The following TCIRG1 variants were observed in gnomAD, a reference collection of about 807,000 sequenced individuals.
TCIRG1 encodes T cell immune regulator 1, ATPase H+ transporting V0 subunit a3.
In TCIRG1, 86 loss-of-function variants were observed where a neutral mutation model predicts 95.5. The ratio of observed to expected loss-of-function variants is 0.90; its 90% CI spans 0.76 to 1.08. The LOEUF (loss-of-function observed/expected upper bound fraction) is 1.08. TCIRG1 is among the 50% of genes least tolerant of loss of function. The pLI is 0.00. For synonymous variants in TCIRG1, 499 were observed against 501.3 expected, an observed-to-expected ratio of 1.00 and a Z score of 0.06; for missense variants, 1,069 against 1,140.2, an observed-to-expected ratio of 0.94 and a Z score of 0.90.
chr11:68,047,071 C>T (rs1218814652), intron 10 of TCIRG1: 3 of 367,600 alleles, frequency 8.2e-6, no homozygotes, highest in South Asian at 1.9e-5. Flanking sequence ...AGTGCAGTGG[C>T]GCGAGCTCGG....
chr11:68,043,267 C>T, intron 5 of TCIRG1, 104 bp from the exon 6 acceptor site: 2 of 1,492,552 alleles, frequency 1.3e-6, no homozygotes, highest in Admixed American at 2.2e-5. Flanking sequence ...CCAGTGTGCC[C>T]AATTGCCCGA....
chr11:68,041,467 C>A, intron 2 of TCIRG1, 79 bp downstream of exon 2: 5 of 1,095,648 alleles, frequency 4.6e-6, no homozygotes, highest in African/African-American at 1.5e-5. Context: ...GGGACTGCCC[C>A]CCCTCCGCCA....
At chr11:68,049,893 C>A (rs1418269120) in intron 16 of TCIRG1, 69 bp from the exon 17 acceptor site, 2 of 1,556,854 alleles carry the variant, frequency 1.3e-6, no homozygotes, top group Non-Finnish European at 1.7e-6. Context: ...TGGCCAGGAG[C>A]AGGCCTGGCG....
At chr11:68,045,882 C>T (rs1279256082) in intron 10 of TCIRG1, among the ~76,000 whole-genome samples, 1 of 152,174 alleles carries the variant, frequency 6.6e-6, no homozygotes, top group Non-Finnish European at 1.5e-5. Context: ...GACCAAGTCC[C>T]CTCCCGACAT....
Position 68,047,814 on chromosome 11 carries a change from G to A in TCIRG1, c.1463+10G>A, listed in dbSNP as rs774207084. ...ACCAGTCTGGCTGGAGGTGAGGCCC[G>A]GGCCCCAGCCCGGCTGGGGGCCCCG... On this transcript the variant is annotated intron_variant, in intron 12 of 19. Coordinates refer to ENST00000265686, the MANE Select transcript of TCIRG1 (RefSeq NM_006019.4). 64 of 1,612,090 alleles carry A rather than the reference G, an allele frequency of 4.0e-5. 1 individual carries two copies. The South Asian group carries it at 4.3e-4, about 11-fold the overall frequency.
At chr11:68,044,887 C>G in intron 9 of TCIRG1, 71 bp from the exon 10 acceptor site, 1 of 1,590,252 alleles carries the variant, frequency 6.3e-7, no homozygotes, top group East Asian at 2.2e-5. Context: ...TCCAGCTGGG[C>G]CTGGCTGGAG....
chr11:68,046,225 G>T (rs760101729), intron 10 of TCIRG1, among the ~76,000 whole-genome samples: 3 of 152,190 alleles, frequency 2.0e-5, no homozygotes, highest in Non-Finnish European at 2.9e-5. Context: ...TGTCAGCAGG[G>T]GCCGGGGGCA....
Position 68,047,633 on chromosome 11 carries a change from C to T in TCIRG1, c.1306-14C>T, listed in dbSNP as rs748451207. On this transcript the variant is annotated splice_polypyrimidine_tract_variant and intron_variant, in intron 11 of 19. Coordinates refer to ENST00000265686, the MANE Select transcript of TCIRG1 (RefSeq NM_006019.4). ...AGGGCCAGGCAGCCCCTCACCACAC[C>T]ACTGCCCCCCCAGATCTGGCAGACT... 1 of 1,613,138 alleles carries T rather than the reference C, an allele frequency of 6.2e-7. No individual in the cohort carries two copies. Among genetic ancestry groups the T allele is most frequent in the South Asian group, 1.1e-5 (1 of 91,084 alleles).
rs770606668 is a variant in TCIRG1 at position 68,043,626 on chromosome 11, G to A, written c.686G>A (p.Gly229Glu). 6.2e-7 allele frequency: 1 copy of A among 1,611,168 alleles called. No homozygotes were observed. The highest frequency in any genetic ancestry group is 1.1e-5 in the South Asian group (1 of 90,664). The part of the protein sequence containing the change: ...FLISYWGEQI[G>E]QKIRKITDCF... ...ATCTCCTACTGGGGTGAGCAGATCGGACAGAAGATCCGCAAGATCACGGAC... is the reference window on the plus strand; with the variant it reads ...ATCTCCTACTGGGGTGAGCAGATCGAACAGAAGATCCGCAAGATCACGGAC... The change falls in exon 7 of 20, where the codon GGA (glycine) becomes GAA (glutamate). Residue 229 changes from glycine (G) to glutamate (E), a missense_variant. Transcript: ENST00000265686.
At chr11:68,048,003 G>A (rs760959655) in intron 13 of TCIRG1, 31 bp downstream of exon 13, 7 of 1,598,654 alleles carry the variant, frequency 4.4e-6, no homozygotes, top group Non-Finnish European at 6.0e-6. Context: ...TCCGTGGGTG[G>A]TGAAGGCAGC....
At chr11:68,048,476 T>G in intron 13 of TCIRG1, 1 of 345,140 alleles carries the variant, frequency 2.9e-6, no homozygotes, top group Non-Finnish European at 5.7e-6. Context: ...GTATTTTTAG[T>G]AGAGACAGGG....
chr11:68,049,741 CT>C lies in TCIRG1; in HGVS notation c.1967del (p.Leu656ArgfsTer31), dbSNP rs1855697254. 1 of 1,582,974 alleles carries C rather than the reference CT, an allele frequency of 6.3e-7. No individual in the cohort carries two copies. The highest frequency in any genetic ancestry group is 1.3e-5 in the African/African-American group (1 of 74,626). The stretch of plus-strand genomic sequence containing the variant: ...GCTGCTTGGCACACCCCTGCACCTG[CT>C]GCACCGCCACCGCCGCCGCCTGCGG... The part of the protein sequence containing the change: ...ILLLGTPLHL[L>X]HRHRRRLRRR... On this transcript the variant is annotated frameshift_variant, in exon 16 of 20. Transcript: ENST00000265686. LOFTEE classifies it high-confidence loss of function.
intron 4 of TCIRG1, 41 bp downstream of exon 4, chr11:68,042,904 G>A (rs1413362826): frequency 6.5e-7 from 1 of 1,550,246 alleles, no homozygotes; most frequent in Non-Finnish European, 8.7e-7. Flanking sequence ...GGCTGGGGAG[G>A]GGCTGTCCAG....
At chr11:68,046,288 T>C (rs1027030940) in intron 10 of TCIRG1, among the ~76,000 whole-genome samples, 1 of 151,932 alleles carries the variant, frequency 6.6e-6, no homozygotes, top group Non-Finnish European at 1.5e-5. Context: ...GGGAGGAGGA[T>C]CTCTGGAGTC....
In TCIRG1 at chr11:68,047,592, T is replaced by C; in HGVS notation, c.1305+20T>C. The C allele has an allele frequency of 6.2e-7, 1 of 1,612,750 alleles. No individual in the cohort carries two copies. Among genetic ancestry groups the C allele is most frequent in the East Asian group, 2.2e-5 (1 of 44,834 alleles). On this transcript the variant is annotated intron_variant, in intron 11 of 19. Transcript: ENST00000265686. Reference sequence around the variant, plus strand: ...AACGAGGTGAGGGGCGGGGCTGGGGTCCTGATGAGGGTAGCAGGGCCAGGC... The same window carrying C: ...AACGAGGTGAGGGGCGGGGCTGGGGCCCTGATGAGGGTAGCAGGGCCAGGC...
downstream of TCIRG1, chr11:68,052,969 G>C (rs1188513961): frequency 1.3e-5 from 2 of 152,590 alleles, no homozygotes; most frequent in Non-Finnish European, 2.9e-5. Context: ...AGCTAAGACT[G>C]TATCCCGCAG....
chr11:68,048,858 C>A, intron 13 of TCIRG1, 21 bp from the exon 14 acceptor site: 2 of 1,570,012 alleles, frequency 1.3e-6, no homozygotes, highest in Non-Finnish European at 1.7e-6. Flanking sequence ...TGAGTCCAGC[C>A]CACCCCTGCT....
At chr11:68,048,809 G>A (rs546778093) in intron 13 of TCIRG1, 70 bp from the exon 14 acceptor site, 23 of 1,130,228 alleles carry the variant, frequency 2.0e-5, no homozygotes, top group East Asian at 1.4e-4. Context: ...AGAGTGACTC[G>A]GGCCGGGGAC....
intron 1 of TCIRG1, 76 bp downstream of exon 1, chr11:68,039,195 T>C (rs895375185): frequency 1.9e-4 from 29 of 152,074 alleles, no homozygotes; most frequent in African/African-American, 5.8e-4. Flanking sequence ...GGGGAGGAGA[T>C]CCTGGCGCCC....
Sources: gnomAD v4.1 joint callset for allele counts (sites outside exome capture counted in the v4.1 genomes callset) on GRCh38, gnomAD v4.1.1 for gene constraint, MANE v1.5 for transcripts, NCBI Gene and HGNC (gene_info 2026-07-23, HGNC 2026-07-21) for gene names.